Variants in UBN1 observed in about 807,000 individuals in gnomAD.
UBN1 encodes ubinuclein 1.
A neutral mutation model predicts 108.5 loss-of-function variants in UBN1; 17 were observed. The observed-to-expected ratio is 0.16, with a 90% CI of 0.11 to 0.24. The LOEUF (loss-of-function observed/expected upper bound fraction) is 0.24. UBN1 is among the 10% of genes least tolerant of loss of function. UBN1 has a pLI of 1.00. For missense variants in UBN1, 1,595 were observed against 1,394.4 expected (o/e 1.14, Z -2.29); for synonymous variants, 726 against 564.2 (o/e 1.29, Z -4.07).
chr16:4,861,236 C>T (rs1396957239), intron 7 of UBN1, 134 bp downstream of exon 7: 2 of 1,031,778 alleles, frequency 1.9e-6, no homozygotes, highest in Admixed American at 2.8e-5. Context: ...TTTCCAAACC[C>T]TATTCTCATC....
chr16:4,852,747 C>T (rs1426280962), intron 1 of UBN1, 132 bp from the exon 2 acceptor site: 4 of 1,012,624 alleles, frequency 4.0e-6, no homozygotes, highest in Non-Finnish European at 5.5e-6. Flanking sequence ...CAGAAAAAAA[C>T]AATAAATGAC....
chr16:4,856,851 T>G (rs1223842631), intron 2 of UBN1, among the ~76,000 whole-genome samples: 3 of 152,230 alleles, frequency 2.0e-5, no homozygotes, highest in African/African-American at 7.2e-5. Context: ...GATCGTTAGA[T>G]GTATGCTCTA....
Position 4,877,769 on chromosome 16 carries a change from A to C in UBN1, c.3355+295A>C. 1 of 1,121,356 alleles carries C rather than the reference A, an allele frequency of 8.9e-7. No homozygotes were observed. Among genetic ancestry groups the C allele is most frequent in the Non-Finnish European group, 1.1e-6 (1 of 920,654 alleles). 69.5% of individuals were successfully genotyped at this position (1,121,356 alleles called of 1,614,324 possible). Reference sequence around the variant, plus strand: ...TTTGTGTGCGGTGGAGGAGTTCCTAACCCTCGGCTTGTTTTTTTCTCTTCA... The same window carrying C: ...TTTGTGTGCGGTGGAGGAGTTCCTACCCCTCGGCTTGTTTTTTTCTCTTCA... On this transcript the variant is annotated intron_variant, in intron 17 of 17. Transcript: ENST00000262376. This position sits in a 1 kb window ranked among gnomAD's most constrained non-coding sequence, Gnocchi z 4.3.
chr16:4,860,266 T>G, intron 6 of UBN1, among the ~76,000 whole-genome samples: 1 of 152,296 alleles, frequency 6.6e-6, no homozygotes, highest in South Asian at 2.1e-4. Flanking sequence ...TGTTTTCCCT[T>G]GTTGTCTATG....
chr16:4,862,667 T>G (rs1000392248), intron 7 of UBN1, among the ~76,000 whole-genome samples: 4 of 152,264 alleles, frequency 2.6e-5, no homozygotes, highest in African/African-American at 9.6e-5. Context: ...AAAACCAGAT[T>G]CTTGGCTGTG....
chr16:4,866,179 C>T (rs996466695), intron 7 of UBN1, among the ~76,000 whole-genome samples: 4 of 152,052 alleles, frequency 2.6e-5, no homozygotes, highest in African/African-American at 9.7e-5. Flanking sequence ...TAGTACCTTC[C>T]AAGTGCTAAG....
chr16:4,861,937 A>G (rs1350255919), intron 7 of UBN1, among the ~76,000 whole-genome samples: 1 of 152,212 alleles, frequency 6.6e-6, no homozygotes, highest in African/African-American at 2.4e-5. Flanking sequence ...GCAAGATTCC[A>G]TTAAAAAACA....
In UBN1 at chr16:4,855,628, A is replaced by T. The variant is rs868714594; in HGVS notation, c.250-2362A>T. On this transcript the variant is annotated intron_variant, in intron 2 of 17. Coordinates refer to ENST00000262376, the MANE Select transcript of UBN1 (RefSeq NM_001079514.3). The stretch of plus-strand genomic sequence containing the variant: ...TGTCAAAAAAAAAAAAAAAAAAAAA[A>T]GGCTGGAAGGCCTGGCGCAGTGACT... Among the ~76,000 whole-genome samples the T allele has an allele frequency of 1.4e-3, 197 of 136,588 alleles. 1 individual carries two copies. Among genetic ancestry groups the T allele is most frequent in the Middle Eastern group, 7.8e-3 (2 of 258 alleles). The allele number at this position is 136,588 out of a possible 152,430, so 89.6% of individuals were successfully genotyped here.
At chr16:4,853,785 C>T (rs1478923957) in intron 2 of UBN1, among the ~76,000 whole-genome samples, 1 of 152,102 alleles carries the variant, frequency 6.6e-6, no homozygotes, top group Non-Finnish European at 1.5e-5. Flanking sequence ...TGGTCTCAAA[C>T]TCCTGGCCTC....
Position 4,852,436 on chromosome 16 carries a change from T to C in UBN1, c.-39-443T>C, listed in dbSNP as rs139084252. 2.7e-3 allele frequency: 425 copies of C among 157,570 alleles called. 2 individuals are homozygous for C. Among genetic ancestry groups the C allele is most frequent in the African/African-American group, 9.4e-3 (391 of 41,590 alleles). 9.8% of individuals were successfully genotyped at this position (157,570 alleles called of 1,614,324 possible). ...CTATCCTGGGGTAGGCAATATCTTT[T>C]GTTCAGCTGATAAAAGCTTTGTCAT... On this transcript the variant is annotated intron_variant, in intron 1 of 17. Coordinates refer to ENST00000262376, the MANE Select transcript of UBN1 (RefSeq NM_001079514.3).
Position 4,860,702 on chromosome 16 carries a change from A to C in UBN1, c.710A>C (p.Lys237Thr). 1 of 1,613,562 alleles carries C rather than the reference A, an allele frequency of 6.2e-7. No individual in the cohort carries two copies. Among genetic ancestry groups the C allele is most frequent in the Non-Finnish European group, 8.5e-7 (1 of 1,179,942 alleles). The part of the protein sequence containing the change: ...ALNASKEKKK[K>T]KYSGALSVKE... ...AATGCCAGTAAGGAGAAGAAGAAGA[A>C]GAAATATTCTGGGGCTTTAAGCGTT... is the stretch of plus-strand genomic sequence containing the variant. Residue 237 changes from lysine to threonine, a missense_variant, in exon 7 of 18, where the codon AAG becomes ACG. By Grantham distance (78) the Lys-to-Thr change is moderately conservative. Coordinates refer to ENST00000262376, the MANE Select transcript of UBN1 (RefSeq NM_001079514.3).
intron 7 of UBN1, among the ~76,000 whole-genome samples, chr16:4,867,347 G>GTT (rs1289316022): frequency 6.6e-6 from 1 of 152,188 alleles, no homozygotes; most frequent in Non-Finnish European, 1.5e-5. Context: ...ACACGCAGAT[G>GTT]TTTTCTAACC....
chr16:4,880,274 C>A lies in UBN1; in HGVS notation c.*142C>A. The stretch of plus-strand genomic sequence containing the variant: ...GAGTTCTCAGCGGAGCGCTTCTCGG[C>A]ACTTCTGATGTGCCTCCCATGGAGG... On this transcript the variant is annotated 3_prime_UTR_variant, in exon 18 of 18. Coordinates refer to ENST00000262376, the MANE Select transcript of UBN1 (RefSeq NM_001079514.3). 1 of 963,822 alleles carries A rather than the reference C, an allele frequency of 1.0e-6. No individual in the cohort carries two copies. The highest frequency in any genetic ancestry group is 1.6e-6 in the Non-Finnish European group (1 of 617,842). 59.7% of individuals were successfully genotyped at this position (963,822 alleles called of 1,614,324 possible).
intron 17 of UBN1, among the ~76,000 whole-genome samples, chr16:4,878,363 A>G (rs766247165): frequency 2.4e-4 from 36 of 152,254 alleles, no homozygotes; most frequent in Non-Finnish European, 5.0e-4. Flanking sequence ...AGCCGAGGTA[A>G]CCCTGGCGAA....
Position 4,847,812 on chromosome 16 carries a change from C to T in UBN1, c.-438C>T, listed in dbSNP as rs551693302. 1.3e-5 allele frequency: 2 copies of T among 152,948 alleles called. No individual in the cohort carries two copies. The highest frequency in any genetic ancestry group is 1.9e-4 in the East Asian group (1 of 5,188). The allele number at this position is 152,948 out of a possible 1,614,324, so 9.5% of individuals were successfully genotyped here. A position where few individuals can be genotyped will look rare whatever the true frequency, so the allele number is the denominator to read the frequency against. ...CCGGCAACTCTGCTTGGCCGCAGGC[C>T]GGGAGGCCCCGGTGTCCGCGCCCGT... On this transcript the variant is annotated 5_prime_UTR_variant, in exon 1 of 18. Coordinates refer to ENST00000262376, the MANE Select transcript of UBN1 (RefSeq NM_001079514.3).
chr16:4,879,017 T>G (rs758539109), intron 17 of UBN1, among the ~76,000 whole-genome samples: 4 of 151,264 alleles, frequency 2.6e-5, no homozygotes, highest in African/African-American at 4.9e-5. Context: ...CTCAAAAGAT[T>G]GCTTTCTGCT....
intron 7 of UBN1, among the ~76,000 whole-genome samples, chr16:4,866,802 G>A (rs533780728): frequency 3.3e-5 from 5 of 152,294 alleles, no homozygotes; most frequent in African/African-American, 1.2e-4. Flanking sequence ...GTGAGCCACC[G>A]CGCCGGGCCA....
At chr16:4,870,394 G>A in intron 9 of UBN1, 53 bp downstream of exon 9, 1 of 1,611,292 alleles carries the variant, frequency 6.2e-7, no homozygotes, top group Non-Finnish European at 8.5e-7. Context: ...GCGGAGGGGT[G>A]ACTGAGTCTT....
chr16:4,868,185 C>T (rs1047023483), intron 7 of UBN1, among the ~76,000 whole-genome samples: 3 of 152,168 alleles, frequency 2.0e-5, no homozygotes, highest in Non-Finnish European at 4.4e-5. Context: ...GTGGTTGCTT[C>T]AGGGGTCTCT....
Sources: gnomAD v4.1 joint callset for allele counts (sites outside exome capture counted in the v4.1 genomes callset) on GRCh38, gnomAD v4.1.1 for gene constraint, Gnocchi (gnomAD v3.1) non-coding constraint, MANE v1.5 for transcripts, NCBI Gene and HGNC (gene_info 2026-07-23, HGNC 2026-07-21) for gene names.